Variants in KIAA0586 observed in about 807,000 individuals in gnomAD.
KIAA0586 encodes KIAA0586, also known as protein TALPID3.
In KIAA0586, 144 loss-of-function variants were observed where a neutral mutation model predicts 169.8. That is an observed-to-expected ratio of 0.85 (90% confidence interval 0.74 to 0.97). The LOEUF (loss-of-function observed/expected upper bound fraction) is 0.97, where lower values mean the gene tolerates loss of function less well. Among genes scored for constraint, KIAA0586 ranks in the 50% least tolerant of loss-of-function variants. The probability of loss-of-function intolerance (pLI) is 0.00; values close to 1 mark genes in which losing one functional copy is unlikely to be tolerated. For missense variants in KIAA0586, 1,854 were observed against 1,823.0 expected, an observed-to-expected ratio of 1.02 and a Z score of -0.31; for synonymous variants, 625 against 612.4, an observed-to-expected ratio of 1.02 and a Z score of -0.30.
intron 27 of KIAA0586, among the ~76,000 whole-genome samples, chr14:58,503,473 A>C (rs2043719314): frequency 6.6e-6 from 1 of 152,184 alleles, no homozygotes; most frequent in South Asian, 2.1e-4. Flanking sequence ...TCATTTACTT[A>C]TTCAGAAGAT....
intron 29 of KIAA0586, among the ~76,000 whole-genome samples, chr14:58,535,222 T>C (rs1468569760): frequency 6.6e-6 from 1 of 152,200 alleles, no homozygotes; most frequent in Non-Finnish European, 1.5e-5. Flanking sequence ...GAGGAATTTG[T>C]TTTAGTAGCT....
chr14:58,530,573 C>T (rs1246145036), intron 29 of KIAA0586, among the ~76,000 whole-genome samples: 1 of 152,140 alleles, frequency 6.6e-6, no homozygotes, highest in African/African-American at 2.4e-5. Flanking sequence ...ACAGACCTGA[C>T]AGAAACAAGC....
chr14:58,495,891 G>A (rs1468111045), intron 26 of KIAA0586, among the ~76,000 whole-genome samples: 1 of 152,012 alleles, frequency 6.6e-6, no homozygotes, highest in Non-Finnish European at 1.5e-5. Context: ...AAAGATATAA[G>A]CATTCATAAT....
At chr14:58,489,098 G>A (rs1444804377) in intron 24 of KIAA0586, among the ~76,000 whole-genome samples, 1 of 152,022 alleles carries the variant, frequency 6.6e-6, no homozygotes, top group African/African-American at 2.4e-5. Flanking sequence ...ACTATTAATG[G>A]TTTGGGGTAG....
chr14:58,471,050 C>T (rs964274855), intron 17 of KIAA0586, among the ~76,000 whole-genome samples: 5 of 152,018 alleles, frequency 3.3e-5, no homozygotes, highest in Non-Finnish European at 5.9e-5. Context: ...TGGGGTTTCA[C>T]CATGCTGGCC....
At chr14:58,463,175 T>C (rs1292958542) in intron 14 of KIAA0586, among the ~76,000 whole-genome samples, 1 of 152,196 alleles carries the variant, frequency 6.6e-6, no homozygotes, top group East Asian at 1.9e-4. Context: ...GATAGCTCCT[T>C]AGAGTGCTCT....
At chr14:58,523,838 A>G (rs931391873) in intron 29 of KIAA0586, among the ~76,000 whole-genome samples, 2 of 151,942 alleles carry the variant, frequency 1.3e-5, no homozygotes, top group African/African-American at 4.8e-5. Flanking sequence ...TGCTGGGATT[A>G]CAGGCATGAG....
chr14:58,444,016 G>T lies in KIAA0586; in HGVS notation c.648G>T (p.Glu216Asp). 6.2e-7 allele frequency: 1 copy of T among 1,612,216 alleles called. No homozygotes were observed. Among genetic ancestry groups the T allele is most frequent in the Non-Finnish European group, 8.5e-7 (1 of 1,178,946 alleles). Residue 216 changes from glutamate to aspartate, a missense_variant, in exon 6 of 31, where the codon GAG becomes GAT. By Grantham distance (45) the Glu-to-Asp change is conservative (BLOSUM62 2). Coordinates refer to ENST00000652326, the MANE Select transcript of KIAA0586 (RefSeq NM_001329943.3). ...SVTELLSKLQ[E>D]TDKHLQRVTE... ...CAGAATTACTTAGTAAATTACAGGAGACTGATAAACACCTGCAACGTGTTA... is the reference window on the plus strand; with the variant it reads ...CAGAATTACTTAGTAAATTACAGGATACTGATAAACACCTGCAACGTGTTA...
At chr14:58,480,664 A>G (rs2141096735) in intron 20 of KIAA0586, among the ~76,000 whole-genome samples, 1 of 152,216 alleles carries the variant, frequency 6.6e-6, no homozygotes, top group East Asian at 1.9e-4. Context: ...TGGAGTTATT[A>G]TTTGTTCTAT....
intron 29 of KIAA0586, chr14:58,521,280 A>G (rs890232247): frequency 2.6e-6 from 3 of 1,144,700 alleles, no homozygotes; most frequent in African/African-American, 1.5e-5. Flanking sequence ...CCGTGTGTTC[A>G]TTGGGAATCT....
At chr14:58,496,880 A>G (rs987529681) in intron 26 of KIAA0586, among the ~76,000 whole-genome samples, 1 of 152,178 alleles carries the variant, frequency 6.6e-6, no homozygotes, top group Non-Finnish European at 1.5e-5. Flanking sequence ...AAAATGTACT[A>G]GTGATTAGGA....
Position 58,487,145 on chromosome 14 carries a change from A to C in KIAA0586, c.3283A>C (p.Lys1095Gln), listed in dbSNP as rs140565291. The C allele has an allele frequency of 1.2e-3, 1,868 of 1,611,814 alleles. 12 individuals are homozygous for C. The highest frequency in any genetic ancestry group is 9.6e-3 in the African/African-American group (722 of 74,942). ...DSDHDMAFPV[K>Q]EICAEKGDDM... ...GGATCATGATATGGCTTTTCCTGTGAAAGAAATATGTGCTGAAAAAGGTAG... is the reference window on the plus strand; with the variant it reads ...GGATCATGATATGGCTTTTCCTGTGCAAGAAATATGTGCTGAAAAAGGTAG... The change falls in exon 22 of 31, where the codon AAA becomes CAA. Residue 1095 changes from lysine to glutamine, a missense_variant. Coordinates refer to ENST00000652326, the MANE Select transcript of KIAA0586 (RefSeq NM_001329943.3).
chr14:58,511,481 A>T (rs893915985), intron 28 of KIAA0586, among the ~76,000 whole-genome samples: 1 of 152,198 alleles, frequency 6.6e-6, no homozygotes, highest in Non-Finnish European at 1.5e-5. Flanking sequence ...CCCAGATTTG[A>T]ACACAGGCAG....
At chr14:58,486,072 A>AC (rs2042417071) in intron 21 of KIAA0586, among the ~76,000 whole-genome samples, 2 of 152,184 alleles carry the variant, frequency 1.3e-5, no homozygotes, top group Non-Finnish European at 2.9e-5. Flanking sequence ...ACCCAAAAGT[A>AC]GTTTTTCAAC....
At chr14:58,442,661 C>A in intron 4 of KIAA0586, 45 bp from the exon 5 acceptor site, 1 of 1,313,906 alleles carries the variant, frequency 7.6e-7, no homozygotes, top group Non-Finnish European at 1.0e-6. Context: ...TGAAATGTTT[C>A]AATGTAGTTT....
intron 26 of KIAA0586, among the ~76,000 whole-genome samples, chr14:58,492,836 A>T (rs1027936018): frequency 6.6e-6 from 1 of 152,234 alleles, no homozygotes; most frequent in Non-Finnish European, 1.5e-5. Flanking sequence ...CAGAAATACC[A>T]TTTGTTAAGG....
chr14:58,486,596 G>A (rs1387531205), intron 21 of KIAA0586, among the ~76,000 whole-genome samples: 2 of 151,790 alleles, frequency 1.3e-5, no homozygotes, highest in Non-Finnish European at 1.5e-5. Flanking sequence ...TTATTAAAAA[G>A]TAAAAAAAAG....
chr14:58,427,687 G>A (rs889075338), upstream of KIAA0586: 9 of 1,535,450 alleles, frequency 5.9e-6, no homozygotes, highest in African/African-American at 1.1e-4. Context: ...CGGGTTTGAA[G>A]GGAAGTGGGT....
intron 21 of KIAA0586, among the ~76,000 whole-genome samples, chr14:58,484,291 G>T (rs192800788): frequency 1.6e-4 from 24 of 152,250 alleles, no homozygotes; most frequent in Admixed American, 1.3e-3. Context: ...ATCTTCAGAA[G>T]TGTCATGGCT....
Sources: gnomAD v4.1 joint callset for allele counts (sites outside exome capture counted in the v4.1 genomes callset) on GRCh38, gnomAD v4.1.1 for gene constraint, MANE v1.5 for transcripts, NCBI Gene and HGNC (gene_info 2026-07-23, HGNC 2026-07-21) for gene names.